RNF157: variants seen among roughly 807,000 people sequenced by gnomAD.
RNF157 encodes E3 ubiquitin ligase RNF157.
RNF157 carries 55 observed loss-of-function variants against 88.3 expected under a neutral mutation model. The observed-to-expected ratio is 0.62, with a 90% CI of 0.50 to 0.78. The LOEUF is 0.78. RNF157 is among the 30% of genes least tolerant of loss of function. RNF157 has a pLI of 0.00. For synonymous variants in RNF157, 334 were observed against 341.2 expected (o/e 0.98, Z 0.23); for missense variants, 788 against 860.8 (o/e 0.92, Z 1.06).
chr17:76,170,135 T>C (rs2068991899), intron 3 of RNF157, among the ~76,000 whole-genome samples: 2 of 152,174 alleles, frequency 1.3e-5, no homozygotes. Flanking sequence ...GAAAACAGTT[T>C]TCCTCTCTCT....
chr17:76,235,330 T>C (rs960154043), intron 1 of RNF157, among the ~76,000 whole-genome samples: 18 of 152,238 alleles, frequency 1.2e-4, no homozygotes, highest in African/African-American at 4.1e-4. Flanking sequence ...CCCGAGTAGT[T>C]GGGACTACAG....
chr17:76,194,685 G>A (rs1244293662), intron 2 of RNF157, among the ~76,000 whole-genome samples: 2 of 152,142 alleles, frequency 1.3e-5, no homozygotes, highest in Non-Finnish European at 2.9e-5. Context: ...TAAAACAATA[G>A]TAAAGAGATT....
Position 76,142,526 on chromosome 17 carries a change from A to C in RNF157, c.*2709T>G, listed in dbSNP as rs2068530636. ...TTAAGAATCATGCAGCAATCCATAAATATTGCATTCTTGATGTCCCCACTG... is the reference window on the plus strand; with the variant it reads ...TTAAGAATCATGCAGCAATCCATAACTATTGCATTCTTGATGTCCCCACTG... On this transcript the variant is annotated 3_prime_UTR_variant, in exon 19 of 19. Transcript: ENST00000269391. 1 of 152,274 alleles carries C rather than the reference A, an allele frequency of 6.6e-6. No homozygotes were observed. Among genetic ancestry groups the C allele is most frequent in the African/African-American group, 2.4e-5 (1 of 41,462 alleles). The allele number at this position is 152,274 out of a possible 1,614,324, so 9.4% of individuals were successfully genotyped here.
intron 3 of RNF157, among the ~76,000 whole-genome samples, chr17:76,173,428 T>G (rs1283246062): frequency 2.0e-5 from 3 of 152,206 alleles, no homozygotes; most frequent in Non-Finnish European, 4.4e-5. Context: ...TCTTCCCTTT[T>G]AAAAAATATC....
At chr17:76,200,469 G>A (rs2069556206) in intron 2 of RNF157, among the ~76,000 whole-genome samples, 1 of 152,158 alleles carries the variant, frequency 6.6e-6, no homozygotes, top group Non-Finnish European at 1.5e-5. Context: ...AGTCACAAAA[G>A]AACAAATATT....
chr17:76,199,404 G>A (rs1027400885), intron 2 of RNF157, among the ~76,000 whole-genome samples: 6 of 151,678 alleles, frequency 4.0e-5, no homozygotes, highest in East Asian at 1.9e-4. Flanking sequence ...CTATAGGCAC[G>A]CTCCATCATA....
intron 18 of RNF157, among the ~76,000 whole-genome samples, chr17:76,148,261 CT>C (rs56231427): frequency 0.084 from 10,112 of 121,076 alleles, 229 homozygotes; most frequent in East Asian, 0.12. Flanking sequence ...TTATCTTTGC[CT>C]TTTTTTTTTT....
At chr17:76,213,909 G>A (rs1188399190) in intron 1 of RNF157, among the ~76,000 whole-genome samples, 2 of 152,200 alleles carry the variant, frequency 1.3e-5, no homozygotes, top group Non-Finnish European at 2.9e-5. Flanking sequence ...AACATGCCCA[G>A]AGACGGCATA....
In RNF157 at chr17:76,159,398, G is replaced by A. The variant is rs751902025; in HGVS notation, c.1241C>T (p.Ser414Leu). The stretch of plus-strand genomic sequence containing the variant: ...GCTGTCAGACAGGCGGTCAAGAGGC[G>A]AGATCGTCCTGACGGGGGGCAGGTG... ...DGHLPPVRTI[S>L]PLDRLSDSSS... is the part of the protein sequence containing the mutation. Residue 414 changes from serine to leucine, a missense_variant, in exon 12 of 19, where the codon TCG becomes TTG. By Grantham distance (145) the Ser-to-Leu change is moderately radical. Transcript: ENST00000269391. 11 of 1,613,224 alleles carry A rather than the reference G, an allele frequency of 6.8e-6. No individual in the cohort carries two copies. The South Asian group carries it at 8.8e-5, about 13-fold the overall frequency.
rs959648393 is a variant in RNF157, at chr17:76,189,181, C to G, written c.208-15391G>C. Among the ~76,000 whole-genome samples, 2 of 152,104 alleles carry G rather than the reference C, an allele frequency of 1.3e-5. 1 individual carries two copies. Among genetic ancestry groups the G allele is most frequent in the South Asian group, 4.1e-4 (2 of 4,828 alleles). On this transcript the variant is annotated intron_variant, in intron 2 of 18. Coordinates refer to ENST00000269391, the MANE Select transcript of RNF157 (RefSeq NM_052916.3). ...AAAGCTGGTAAAATCCTAATAAAGT[C>G]TAGTTTTAAAAATAGTAATGTAACT...
At chr17:76,189,788 A>G (rs1317953108) in intron 2 of RNF157, among the ~76,000 whole-genome samples, 1 of 152,020 alleles carries the variant, frequency 6.6e-6, no homozygotes, top group African/African-American at 2.4e-5. Flanking sequence ...TTCTGAGGTG[A>G]GGGTACTGCC....
chr17:76,187,730 A>C (rs1301377695), intron 2 of RNF157, among the ~76,000 whole-genome samples: 11 of 152,018 alleles, frequency 7.2e-5, no homozygotes, highest in Non-Finnish European at 1.5e-4. Context: ...AGTAGCTGGG[A>C]TTACAGGTGC....
intron 6 of RNF157, among the ~76,000 whole-genome samples, chr17:76,165,801 C>A (rs1004337689): frequency 2.6e-5 from 4 of 152,074 alleles, no homozygotes; most frequent in African/African-American, 9.7e-5. Context: ...CTCAGCCTCC[C>A]AAGTATCTGG....
At chr17:76,230,452 T>C (rs2070167697) in intron 1 of RNF157, among the ~76,000 whole-genome samples, 1 of 152,100 alleles carries the variant, frequency 6.6e-6, no homozygotes, top group Non-Finnish European at 1.5e-5. Context: ...ACCTTAGCCT[T>C]TTCCAAGTTC....
intron 2 of RNF157, among the ~76,000 whole-genome samples, chr17:76,187,882 G>A (rs955049298): frequency 4.6e-5 from 7 of 152,168 alleles, no homozygotes; most frequent in African/African-American, 1.7e-4. Flanking sequence ...ACAAGTGTGA[G>A]CCACCACGCC....
intron 2 of RNF157, among the ~76,000 whole-genome samples, chr17:76,192,040 T>G (rs1375663112): frequency 6.6e-6 from 1 of 152,220 alleles, no homozygotes; most frequent in East Asian, 1.9e-4. Flanking sequence ...CAGATTTTTC[T>G]TTGAAATGCA....
At chr17:76,190,196 TCTCA>T (rs2069361683) in intron 2 of RNF157, among the ~76,000 whole-genome samples, 1 of 151,152 alleles carries the variant, frequency 6.6e-6, no homozygotes, top group African/African-American at 2.4e-5. Context: ...TGAAATAGAT[TCTCA>T]CTGTCAACCA....
chr17:76,231,490 A>C (rs550937528), intron 1 of RNF157, among the ~76,000 whole-genome samples: 17 of 151,864 alleles, frequency 1.1e-4, no homozygotes, highest in Non-Finnish European at 2.1e-4. Flanking sequence ...TAGAGATGAG[A>C]TCTCACCACG....
rs190289644 is a variant in RNF157 at position 76,223,386 on chromosome 17, C to G, written c.89-10904G>C. Among the ~76,000 whole-genome samples the G allele has an allele frequency of 2.6e-5, 4 of 152,074 alleles. No homozygotes were observed. In the East Asian group the frequency reaches 7.7e-4, roughly 29 times the overall value. On this transcript the variant is annotated intron_variant, in intron 1 of 18. Transcript: ENST00000269391. ...TATTTTTAGTAGAGACGGGGTTTCA[C>G]CATGTTGGCCAGACTGGTCTCGAAC...
Sources: gnomAD v4.1 joint callset for allele counts (sites outside exome capture counted in the v4.1 genomes callset) on GRCh38, gnomAD v4.1.1 for gene constraint, MANE v1.5 for transcripts, NCBI Gene and HGNC (gene_info 2026-07-23, HGNC 2026-07-21) for gene names.